Variants in CACNA2D4 observed in about 807,000 individuals in gnomAD.
CACNA2D4 encodes voltage-dependent calcium channel subunit alpha-2/delta-4.
A neutral mutation model predicts 163.8 loss-of-function variants in CACNA2D4; 157 were observed. The observed-to-expected ratio is 0.96, with a 90% CI of 0.84 to 1.09. The LOEUF is 1.09. CACNA2D4 is among the 50% of genes least tolerant of loss of function. The pLI, the probability that CACNA2D4 is intolerant of heterozygous loss-of-function variation, is 0.00. For synonymous variants in CACNA2D4, 598 were observed against 586.9 expected, an observed-to-expected ratio of 1.02 and a Z score of -0.27; for missense variants, 1,410 against 1,479.9, an observed-to-expected ratio of 0.95 and a Z score of 0.78.
intron 18 of CACNA2D4, among the ~76,000 whole-genome samples, chr12:1,862,388 CT>C (rs1363626232): frequency 6.6e-6 from 1 of 152,162 alleles, no homozygotes; most frequent in Non-Finnish European, 1.5e-5. Flanking sequence ...TGTTATTAGT[CT>C]TTTAAATTTT....
chr12:1,875,700 C>A lies in CACNA2D4; in HGVS notation c.1720-363G>T, dbSNP rs1865867999. ...CATCCACTGATCTTCCTTCTTTCCC[C>A]TGGAGCTGCATAGAATGTGTTCCAC... On this transcript the variant is annotated intron_variant, in intron 16 of 37. Coordinates refer to ENST00000382722, the MANE Select transcript of CACNA2D4 (RefSeq NM_172364.5). The surrounding 1 kb of genome is among the most constrained non-coding windows in gnomAD (Gnocchi z 4.0). 1.3e-5 allele frequency among the ~76,000 whole-genome samples: 2 copies of A among 152,238 alleles called. No individual in the cohort carries two copies. The highest frequency in any genetic ancestry group is 1.3e-4 in the Admixed American group (2 of 15,294).
chr12:1,811,874 TG>T, intron 26 of CACNA2D4, 151 bp from the exon 27 acceptor site: 2 of 600,800 alleles, frequency 3.3e-6, no homozygotes, highest in Non-Finnish European at 2.9e-6. Context: ...GAGTGCAAAC[TG>T]GGGTTTCTGG....
intron 18 of CACNA2D4, among the ~76,000 whole-genome samples, chr12:1,865,028 A>G (rs1865613762): frequency 6.6e-6 from 1 of 152,148 alleles, no homozygotes; most frequent in African/African-American, 2.4e-5. Context: ...GGTCATGCCC[A>G]GGTCACCGTC....
intron 26 of CACNA2D4, among the ~76,000 whole-genome samples, chr12:1,813,113 TG>T (rs1275338713): frequency 9.2e-5 from 14 of 152,150 alleles, no homozygotes; most frequent in Admixed American, 3.9e-4. Flanking sequence ...AGCTGCAAGA[TG>T]AGTCACGGTT....
intron 27 of CACNA2D4, 84 bp from the exon 28 acceptor site, chr12:1,810,671 T>C: frequency 7.3e-7 from 1 of 1,366,288 alleles, no homozygotes; most frequent in Non-Finnish European, 1.0e-6. Flanking sequence ...GTGTGTGTGG[T>C]ACGTCTGCAG....
intron 26 of CACNA2D4, chr12:1,827,962 A>C: frequency 2.4e-6 from 1 of 422,562 alleles, no homozygotes; most frequent in Non-Finnish European, 4.1e-6. Flanking sequence ...CATAACTGAG[A>C]GGAACAGGAG....
rs1239119179 is a variant in CACNA2D4, at chr12:1,810,278, C to G, written c.2721G>C (p.Glu907Asp). The G allele has an allele frequency of 5.6e-6, 9 of 1,612,756 alleles. No individual in the cohort carries two copies. The East Asian group carries it at 1.8e-4, about 32-fold the overall frequency. ...TCATTCTATATCCCCAGTGACTCACCTCTCGGGACCTCTTGGAGATCAGAA... is the reference window on the plus strand; with the variant it reads ...TCATTCTATATCCCCAGTGACTCACGTCTCGGGACCTCTTGGAGATCAGAA... ...GFILISKRSRETGRFLGEVDG... is the reference protein window; with the variant it reads ...GFILISKRSRDTGRFLGEVDG... Residue 907 changes from glutamate to aspartate, a missense_variant and splice_region_variant, in exon 29 of 38, where the codon GAG becomes GAC. Transcript: ENST00000382722.
intron 20 of CACNA2D4, among the ~76,000 whole-genome samples, chr12:1,856,890 ATCTGTGGAGCC>A (rs1299371550): frequency 1.3e-5 from 2 of 152,216 alleles, no homozygotes; most frequent in African/African-American, 4.8e-5. Context: ...CCAGTGGGGC[ATCTGTGGAGCC>A]TCACAAGGGC....
At chr12:1,809,252 A>C in intron 29 of CACNA2D4, 1 of 499,004 alleles carries the variant, frequency 2.0e-6, no homozygotes, top group East Asian at 3.4e-5. Flanking sequence ...CAGCCCTACC[A>C]TGCGTGGAGG....
chr12:1,840,775 C>A lies in CACNA2D4; in HGVS notation c.2515G>T (p.Ala839Ser), dbSNP rs756604812. ...GCTGTCCTCTTGTCCACGGTCACCG[C>A]CACAGCTGTGCTTGCCGTCACCACC... ...PMVVTASTAV[A>S]VTVDKRTAIA... Residue 839 changes from alanine to serine, a missense_variant, in exon 26 of 38, where the codon GCG (alanine) becomes TCG (serine). Transcript: ENST00000382722. 183 of 1,613,872 alleles carry A rather than the reference C, an allele frequency of 1.1e-4. No homozygotes were observed. Among genetic ancestry groups the A allele is most frequent in the Admixed American group, 1.5e-4 (9 of 60,014 alleles).
Position 1,832,749 on chromosome 12 carries a change from G to A in CACNA2D4, c.2551+7990C>T, listed in dbSNP as rs959761314. 2.6e-5 allele frequency among the ~76,000 whole-genome samples: 4 copies of A among 152,322 alleles called. No homozygotes were observed. The East Asian group carries it at 7.7e-4, about 29-fold the overall frequency. On this transcript the variant is annotated intron_variant, in intron 26 of 37. Transcript: ENST00000382722. ...CTTATATAGTTTCCAGTTTACCAAT[G>A]TCTTTTCATGTACATGATTTTAAAC...
chr12:1,826,504 C>G (rs1366910856), intron 26 of CACNA2D4, among the ~76,000 whole-genome samples: 1 of 151,912 alleles, frequency 6.6e-6, no homozygotes, highest in Non-Finnish European at 1.5e-5. Context: ...GGCTCCTCCA[C>G]CCCTCATGCC....
In CACNA2D4 at chr12:1,795,773, C is replaced by T; in HGVS notation, c.3121G>A (p.Val1041Met). The T allele has an allele frequency of 6.2e-7, 1 of 1,604,066 alleles. No individual in the cohort carries two copies. Among genetic ancestry groups the T allele is most frequent in the Non-Finnish European group, 8.5e-7 (1 of 1,170,842 alleles). The change falls in exon 36 of 38, where the codon GTG (valine) becomes ATG (methionine). Residue 1041 changes from valine to methionine, a missense_variant. Physicochemically the swap from Val to Met is conservative, Grantham distance 21 (BLOSUM62 1). Coordinates refer to ENST00000382722, the MANE Select transcript of CACNA2D4 (RefSeq NM_172364.5). Reference protein sequence around the residue: ...VECGPCQKVFVVQQIPNSNLL... With the variant: ...VECGPCQKVFMVQQIPNSNLL... ...TTACTGTTGGGAATCTGCTGCACCA[C>T]AAATACCCTGCAGCAAAGAAAGGGA...
At chr12:1,896,056 C>G (rs916147655) in intron 6 of CACNA2D4, among the ~76,000 whole-genome samples, 2 of 152,098 alleles carry the variant, frequency 1.3e-5, no homozygotes, top group African/African-American at 4.8e-5. Flanking sequence ...AAAACTGGAT[C>G]CCTATCTCTC....
chr12:1,864,313 T>C (rs950113868), intron 18 of CACNA2D4, among the ~76,000 whole-genome samples: 3 of 152,228 alleles, frequency 2.0e-5, no homozygotes, highest in Admixed American at 1.3e-4. Flanking sequence ...AGTGCCAATG[T>C]TGAGAAGCAC....
At chr12:1,809,790 TG>T (rs1239716938) in intron 29 of CACNA2D4, among the ~76,000 whole-genome samples, 1 of 151,980 alleles carries the variant, frequency 6.6e-6, no homozygotes, top group Non-Finnish European at 1.5e-5. Flanking sequence ...CCGGGCGTGG[TG>T]GGTGAGAGTA....
At chr12:1,898,405 A>T (rs1309665316) in intron 6 of CACNA2D4, among the ~76,000 whole-genome samples, 1 of 152,130 alleles carries the variant, frequency 6.6e-6, no homozygotes, top group Non-Finnish European at 1.5e-5. Context: ...CACCTGATTT[A>T]AAAATGAGCC....
Position 1,793,414 on chromosome 12 carries a change from A to G in CACNA2D4, c.*241T>C. The G allele has an allele frequency of 3.4e-6, 2 of 585,810 alleles. No individual in the cohort carries two copies. Among genetic ancestry groups the G allele is most frequent in the Admixed American group, 5.9e-5 (2 of 34,164 alleles). 36.3% of individuals were successfully genotyped at this position (585,810 alleles called of 1,614,324 possible). A position where few individuals can be genotyped will look rare whatever the true frequency, so the allele number is the denominator to read the frequency against. ...GGAAGGTTAGGTCAGAAGTATGCTC[A>G]TGTTGAGACCTAGGGCAGATGGTAC... is the stretch of plus-strand genomic sequence containing the variant. On this transcript the variant is annotated 3_prime_UTR_variant, in exon 38 of 38. Transcript: ENST00000382722.
chr12:1,825,255 G>A (rs1160491342), intron 26 of CACNA2D4, among the ~76,000 whole-genome samples: 1 of 152,188 alleles, frequency 6.6e-6, no homozygotes, highest in Non-Finnish European at 1.5e-5. Flanking sequence ...GGTGAGGTGG[G>A]ATGCAAAAGA....
Sources: gnomAD v4.1 joint callset for allele counts (sites outside exome capture counted in the v4.1 genomes callset) on GRCh38, gnomAD v4.1.1 for gene constraint, Gnocchi (gnomAD v3.1) non-coding constraint, MANE v1.5 for transcripts, NCBI Gene and HGNC (gene_info 2026-07-23, HGNC 2026-07-21) for gene names.